DPP10: variants seen among roughly 807,000 people sequenced by gnomAD.
DPP10 encodes inactive dipeptidyl peptidase 10.
DPP10 carries 33 observed loss-of-function variants against 120.9 expected under a neutral mutation model. That is an observed-to-expected ratio of 0.27 (90% CI 0.21 to 0.37). DPP10 has a LOEUF of 0.37. Among genes scored for constraint, DPP10 ranks in the 10% least tolerant of loss-of-function variants. DPP10 has a pLI of 1.00. For synonymous variants in DPP10, 337 were observed against 326.1 expected (o/e 1.03, Z -0.36); for missense variants, 816 against 942.8 (o/e 0.87, Z 1.76).
intron 1 of DPP10, among the ~76,000 whole-genome samples, chr2:115,240,309 A>G (rs971610642): frequency 5.9e-5 from 9 of 152,140 alleles, no homozygotes; most frequent in Admixed American, 6.5e-5. Flanking sequence ...CTGGTATGAG[A>G]TGGTATCTCA....
At chr2:115,069,004 T>C (rs1219084620) in intron 1 of DPP10, among the ~76,000 whole-genome samples, 1 of 152,154 alleles carries the variant, frequency 6.6e-6, no homozygotes, top group Non-Finnish European at 1.5e-5. Flanking sequence ...TATGATGCCT[T>C]CATCATTGTT....
chr2:115,543,457 T>G (rs895157723), intron 5 of DPP10, among the ~76,000 whole-genome samples: 1 of 152,052 alleles, frequency 6.6e-6, no homozygotes, highest in African/African-American at 2.4e-5. Context: ...AACATGCCAA[T>G]ATCAATAAAC....
chr2:114,809,830 A>G (rs1685034560), intron 1 of DPP10, among the ~76,000 whole-genome samples: 1 of 152,164 alleles, frequency 6.6e-6, no homozygotes, highest in Non-Finnish European at 1.5e-5. Context: ...GGTGATGCAG[A>G]TGCTGGTGGT....
chr2:114,580,609 A>G (rs1277817395), intron 1 of DPP10, among the ~76,000 whole-genome samples: 1 of 152,014 alleles, frequency 6.6e-6, no homozygotes, highest in Non-Finnish European at 1.5e-5. Flanking sequence ...TTAATCCTGG[A>G]TTACTTTGCC....
intron 1 of DPP10, among the ~76,000 whole-genome samples, chr2:115,289,188 A>G (rs2060535998): frequency 6.6e-6 from 1 of 152,112 alleles, no homozygotes; most frequent in Non-Finnish European, 1.5e-5. Context: ...AACCGCTTTT[A>G]TAATAACTGG....
At chr2:115,525,083 G>T (rs932521135) in intron 4 of DPP10, among the ~76,000 whole-genome samples, 1 of 152,084 alleles carries the variant, frequency 6.6e-6, no homozygotes, top group African/African-American at 2.4e-5. Flanking sequence ...GTTTATGCAC[G>T]TATTTCTCTG....
intron 1 of DPP10, among the ~76,000 whole-genome samples, chr2:114,886,423 T>A (rs1692074643): frequency 6.6e-6 from 1 of 152,190 alleles, no homozygotes; most frequent in South Asian, 2.1e-4. Context: ...GAACATCTCA[T>A]ATTTTTATCG....
chr2:115,049,642 C>T (rs1248032056), intron 1 of DPP10, among the ~76,000 whole-genome samples: 1 of 152,152 alleles, frequency 6.6e-6, no homozygotes, highest in Non-Finnish European at 1.5e-5. Context: ...ATCAAAAGTA[C>T]TCCGTATCTG....
chr2:114,906,325 A>C (rs1347535007), intron 1 of DPP10, among the ~76,000 whole-genome samples: 1 of 151,834 alleles, frequency 6.6e-6, no homozygotes, highest in Non-Finnish European at 1.5e-5. Context: ...TGGAGGTTGC[A>C]GTTAGCGGAG....
At chr2:115,041,856 G>C (rs1482462109) in intron 1 of DPP10, among the ~76,000 whole-genome samples, 1 of 152,164 alleles carries the variant, frequency 6.6e-6, no homozygotes, top group African/African-American at 2.4e-5. Context: ...TACAGAAATA[G>C]GTGGTGCCCT....
intron 1 of DPP10, among the ~76,000 whole-genome samples, chr2:114,676,729 G>A (rs1268525134): frequency 6.6e-6 from 1 of 151,992 alleles, no homozygotes; most frequent in South Asian, 2.1e-4. Context: ...TGAGTAGAAA[G>A]TCTGCAGCCT....
chr2:115,531,535 A>C (rs1019963811), intron 5 of DPP10, among the ~76,000 whole-genome samples: 1 of 152,020 alleles, frequency 6.6e-6, no homozygotes, highest in Admixed American at 6.6e-5. Flanking sequence ...CTGACCTTGG[A>C]TGTTGCTCTA....
At chr2:115,590,924 A>G (rs1171655310) in intron 5 of DPP10, among the ~76,000 whole-genome samples, 1 of 152,144 alleles carries the variant, frequency 6.6e-6, no homozygotes, top group African/African-American at 2.4e-5. Context: ...GCCAGTGATG[A>G]TGAGTATTGT....
rs1573593103 is a variant in DPP10 at position 114,535,600 on chromosome 2, C to A, written c.60+92762C>A. ...CACACTTATGCTACGAGCCCCTTAT[C>A]CAAACATTCTCTCAGTTTGGATGAT... On this transcript the variant is annotated intron_variant, in intron 1 of 25. Transcript: ENST00000410059. Among the ~76,000 whole-genome samples, 4 of 152,210 alleles carry A rather than the reference C, an allele frequency of 2.6e-5. No individual in the cohort carries two copies. In the East Asian group the frequency reaches 7.7e-4, roughly 29 times the overall value.
intron 1 of DPP10, among the ~76,000 whole-genome samples, chr2:114,777,985 G>A (rs902158089): frequency 7.9e-5 from 12 of 152,016 alleles, no homozygotes; most frequent in Admixed American, 2.6e-4. Context: ...TGAATTTGTC[G>A]TGTCTTTCAT....
chr2:114,740,451 T>A (rs1677927542), intron 1 of DPP10, among the ~76,000 whole-genome samples: 1 of 150,562 alleles, frequency 6.6e-6, no homozygotes, highest in African/African-American at 2.5e-5. Flanking sequence ...GGCACATGTA[T>A]ACATATGTAA....
intron 5 of DPP10, among the ~76,000 whole-genome samples, chr2:115,539,433 G>A (rs991626703): frequency 1.3e-5 from 2 of 151,924 alleles, no homozygotes; most frequent in Admixed American, 1.3e-4. Context: ...TGAAGTCAGT[G>A]AGCCTTTTTC....
chr2:114,716,484 A>G (rs911790342), intron 1 of DPP10, among the ~76,000 whole-genome samples: 2 of 152,166 alleles, frequency 1.3e-5, no homozygotes, highest in African/African-American at 4.8e-5. Flanking sequence ...TTATCCATAT[A>G]CCAAACTGTA....
At position 115,558,281 on chromosome 2, in the gene DPP10, A is replaced by G. The variant is rs1208741417; in HGVS notation, c.441+32309A>G. On this transcript the variant is annotated intron_variant, in intron 5 of 25. Coordinates refer to ENST00000410059, the MANE Select transcript of DPP10 (RefSeq NM_020868.6). ...TCTAAGTAATGCTTTTCCATGTGCC[A>G]TAGTGTATGAAATAGAAGATCTGCA... Among the ~76,000 whole-genome samples, 11 of 152,262 alleles carry G rather than the reference A, an allele frequency of 7.2e-5. No individual in the cohort carries two copies. The South Asian group carries it at 2.1e-3, about 29-fold the overall frequency.
Sources: allele counts gnomAD v4.1 joint callset (sites outside exome capture counted in the v4.1 genomes callset), GRCh38; gene constraint gnomAD v4.1.1; transcripts MANE v1.5; gene names NCBI Gene and HGNC (gene_info 2026-07-23, HGNC 2026-07-21).